The following PDLIM5 variants were observed in gnomAD, a reference collection of about 807,000 sequenced individuals.
PDLIM5 encodes PDZ and LIM domain 5.
In PDLIM5, 34 loss-of-function variants were observed where a neutral mutation model predicts 64.2. The observed-to-expected ratio is 0.53, with a 90% CI of 0.40 to 0.71. The LOEUF is 0.71. Among genes scored for constraint, PDLIM5 ranks in the 30% least tolerant of loss-of-function variants. The pLI, the probability that PDLIM5 is intolerant of heterozygous loss-of-function variation, is 0.00. For missense variants in PDLIM5, 683 were observed against 733.6 expected, an observed-to-expected ratio of 0.93 and a Z score of 0.80; for synonymous variants, 253 against 269.1, an observed-to-expected ratio of 0.94 and a Z score of 0.59.
chr4:94,466,682 C>T (rs1174836439), intron 2 of PDLIM5, among the ~76,000 whole-genome samples: 5 of 152,158 alleles, frequency 3.3e-5, no homozygotes, highest in Admixed American at 2.0e-4. Flanking sequence ...TGTGACAGAT[C>T]TGCTTTTCTC....
Position 94,665,903 on chromosome 4 carries a change from A to G in PDLIM5, c.*1836A>G, listed in dbSNP as rs1266522021. On this transcript the variant is annotated 3_prime_UTR_variant, in exon 13 of 13. Coordinates refer to ENST00000317968, the MANE Select transcript of PDLIM5 (RefSeq NM_006457.5). Reference sequence around the variant, plus strand: ...ATTTGATTTCCTCCTTTGGGAAAAGAATTATGTAGATACCACATGGAGACA... The same window carrying G: ...ATTTGATTTCCTCCTTTGGGAAAAGGATTATGTAGATACCACATGGAGACA... 27 of 1,466,872 alleles carry G rather than the reference A, an allele frequency of 1.8e-5. No individual in the cohort carries two copies. Among genetic ancestry groups the G allele is most frequent in the Non-Finnish European group, 2.3e-5 (26 of 1,118,402 alleles). The allele number at this position is 1,466,872 out of a possible 1,614,324, so 90.9% of individuals were successfully genotyped here.
At chr4:94,646,018 T>C (rs1001060360) in intron 9 of PDLIM5, among the ~76,000 whole-genome samples, 3 of 152,216 alleles carry the variant, frequency 2.0e-5, no homozygotes, top group Non-Finnish European at 4.4e-5. Context: ...CTCATGTAGA[T>C]TACTTGGGGC....
chr4:94,561,540 A>G (rs1212805161), intron 3 of PDLIM5, among the ~76,000 whole-genome samples: 1 of 150,508 alleles, frequency 6.6e-6, no homozygotes, highest in East Asian at 1.9e-4. Flanking sequence ...AGCATGGAAC[A>G]TGTGTTTTTT....
At chr4:94,662,598 T>G (rs1248295929) in intron 12 of PDLIM5, 61 bp downstream of exon 12, 2 of 694,494 alleles carry the variant, frequency 2.9e-6, no homozygotes, top group Non-Finnish European at 5.2e-6. Context: ...AGCTTTAGTA[T>G]TTAATGGAAA....
intron 2 of PDLIM5, among the ~76,000 whole-genome samples, chr4:94,471,585 G>A (rs1724874851): frequency 6.6e-6 from 1 of 152,064 alleles, no homozygotes; most frequent in Admixed American, 6.6e-5. Context: ...TCTACATGCT[G>A]TTGATTGTAG....
At position 94,494,432 on chromosome 4, in the gene PDLIM5, G is replaced by GGTTTTTTTTTTTTTTTTTTT. The variant is rs1553940971; in HGVS notation, c.97-29292_97-29291insGTTTTTTTTTTTTTTTTTTT. ...AGCATTCACTAATTTTTTTTTTCTT[G>GGTTTTTTTTTTTTTTTTTTT]TTTTTTTTTTTTTTTTTTTTTTTTG... On this transcript the variant is annotated intron_variant, in intron 2 of 12. Transcript: ENST00000317968. 3.7e-3 allele frequency among the ~76,000 whole-genome samples: 261 copies of GGTTTTTTTTTTTTTTTTTTT among 70,772 alleles called. 49 individuals carry two copies. Among genetic ancestry groups the GGTTTTTTTTTTTTTTTTTTT allele is most frequent in the South Asian group, 7.4e-3 (8 of 1,074 alleles). The allele number at this position is 70,772 out of a possible 152,430, so 46.4% of individuals were successfully genotyped here.
intron 2 of PDLIM5, among the ~76,000 whole-genome samples, chr4:94,474,500 C>T (rs1725155514): frequency 6.6e-6 from 1 of 152,172 alleles, no homozygotes; most frequent in Non-Finnish European, 1.5e-5. Context: ...ATCTGCCCAC[C>T]TTGGCTTCCC....
chr4:94,595,253 A>T (rs528756227), intron 7 of PDLIM5, among the ~76,000 whole-genome samples: 1 of 152,224 alleles, frequency 6.6e-6, no homozygotes, highest in African/African-American at 2.4e-5. Flanking sequence ...GAGCCAAACC[A>T]TATCAATGGT....
intron 3 of PDLIM5, among the ~76,000 whole-genome samples, chr4:94,555,156 T>G (rs1481814958): frequency 6.6e-6 from 1 of 152,124 alleles, no homozygotes; most frequent in East Asian, 1.9e-4. Context: ...CGGGTTCAAG[T>G]GATTCTCCCG....
chr4:94,658,136 C>T (rs1742364713), intron 11 of PDLIM5, among the ~76,000 whole-genome samples: 1 of 152,180 alleles, frequency 6.6e-6, no homozygotes, highest in Admixed American at 6.5e-5. Flanking sequence ...TCTACTAAAT[C>T]ATGTACCTTA....
At chr4:94,454,114 CAT>C (rs1207483835) in intron 1 of PDLIM5, among the ~76,000 whole-genome samples, 3 of 152,096 alleles carry the variant, frequency 2.0e-5, no homozygotes, top group African/African-American at 7.2e-5. Flanking sequence ...TGGGTTAAAA[CAT>C]ATTTTAAGAC....
intron 11 of PDLIM5, among the ~76,000 whole-genome samples, chr4:94,660,952 T>C (rs907275261): frequency 1.3e-5 from 2 of 151,920 alleles, no homozygotes; most frequent in East Asian, 1.9e-4. Flanking sequence ...GTTTTGGTGG[T>C]GGGCACCTGT....
chr4:94,590,755 G>T (rs959956425), intron 7 of PDLIM5, among the ~76,000 whole-genome samples: 1 of 152,148 alleles, frequency 6.6e-6, no homozygotes, highest in Non-Finnish European at 1.5e-5. Flanking sequence ...TCCAGGCTAG[G>T]CAGGGAAGTG....
intron 8 of PDLIM5, among the ~76,000 whole-genome samples, chr4:94,637,743 A>G (rs963451357): frequency 5.3e-5 from 8 of 152,186 alleles, no homozygotes; most frequent in Admixed American, 1.3e-4. Context: ...ATAGTTTGTA[A>G]TGAGTTACAG....
chr4:94,662,660 A>C (rs955514440), intron 12 of PDLIM5, 123 bp downstream of exon 12: 2 of 473,920 alleles, frequency 4.2e-6, no homozygotes, highest in Non-Finnish European at 7.6e-6. Flanking sequence ...AATTATTTTT[A>C]ATTTTTTGTA....
intron 2 of PDLIM5, among the ~76,000 whole-genome samples, chr4:94,523,002 A>G (rs1278314875): frequency 6.6e-6 from 1 of 152,250 alleles, no homozygotes; most frequent in Admixed American, 6.5e-5. Context: ...GCAATGAAAT[A>G]TATACACACG....
chr4:94,560,087 A>G (rs1203288026), intron 3 of PDLIM5, among the ~76,000 whole-genome samples: 4 of 152,170 alleles, frequency 2.6e-5, no homozygotes, highest in Non-Finnish European at 5.9e-5. Context: ...ACTGTCCCCT[A>G]AACATTGCCT....
chr4:94,651,865 C>T (rs1402002091), intron 9 of PDLIM5, among the ~76,000 whole-genome samples: 1 of 152,134 alleles, frequency 6.6e-6, no homozygotes, highest in Non-Finnish European at 1.5e-5. Context: ...GAGCTGTGTC[C>T]TGTAACAACT....
intron 2 of PDLIM5, among the ~76,000 whole-genome samples, chr4:94,471,656 AC>A (rs1364825075): frequency 2.0e-5 from 3 of 152,040 alleles, no homozygotes; most frequent in African/African-American, 7.2e-5. Context: ...TGTGTAATTT[AC>A]CAGCTGTAAT....
Sources: gnomAD v4.1 joint callset for allele counts (sites outside exome capture counted in the v4.1 genomes callset) on GRCh38, gnomAD v4.1.1 for gene constraint, MANE v1.5 for transcripts, NCBI Gene and HGNC (gene_info 2026-07-23, HGNC 2026-07-21) for gene names.